Variants in NRXN3 observed in about 807,000 individuals in gnomAD.
The protein encoded by NRXN3 is neurexin III.
In NRXN3, 32 loss-of-function variants were observed where a neutral mutation model predicts 137.6. That is an observed-to-expected ratio of 0.23 (90% confidence interval 0.18 to 0.31). The LOEUF is 0.31. Ranked by LOEUF, NRXN3 falls within the 10% of genes least tolerant of loss-of-function variation. The pLI is 1.00. For missense variants in NRXN3, 1,574 were observed against 2,062.5 expected (o/e 0.76, Z 4.59); for synonymous variants, 798 against 784.5 (o/e 1.02, Z -0.29).
At chr14:78,676,399 G>C (rs1038078218) in intron 6 of NRXN3, among the ~76,000 whole-genome samples, 8 of 152,100 alleles carry the variant, frequency 5.3e-5, no homozygotes, top group African/African-American at 1.2e-4. Flanking sequence ...AAGTTTTACT[G>C]CTCTAGGTGG....
rs557447036 is a variant in NRXN3, at chr14:79,245,365, G to A, written c.3263-221856G>A. ...TCCAGAGAGACAGGGAGAGACCATGGGAAGAGAAAGGGAGAGACCATGGGA... is the reference window on the plus strand; with the variant it reads ...TCCAGAGAGACAGGGAGAGACCATGAGAAGAGAAAGGGAGAGACCATGGGA... On this transcript the variant is annotated intron_variant, in intron 15 of 20. Transcript: ENST00000335750. Among the ~76,000 whole-genome samples the A allele has an allele frequency of 5.9e-5, 9 of 151,906 alleles. No homozygotes were observed. The South Asian group carries it at 1.7e-3, about 28-fold the overall frequency.
chr14:79,712,058 G>A (rs750067428), intron 19 of NRXN3, among the ~76,000 whole-genome samples: 9 of 152,140 alleles, frequency 5.9e-5, no homozygotes, highest in Middle Eastern at 3.4e-3. Context: ...TTCTGAAAAC[G>A]CAGCTGAAGA....
chr14:78,297,080 T>C (rs1006718901), intron 3 of NRXN3, among the ~76,000 whole-genome samples: 2 of 152,236 alleles, frequency 1.3e-5, no homozygotes, highest in African/African-American at 2.4e-5. Context: ...ATCTATTTAT[T>C]GGGACTTTAC....
intron 4 of NRXN3, among the ~76,000 whole-genome samples, chr14:78,320,850 G>T (rs2079253910): frequency 6.6e-6 from 1 of 152,154 alleles, no homozygotes; most frequent in Admixed American, 6.5e-5. Context: ...GGGTGCGGTG[G>T]CTCATGCCTG....
chr14:79,389,056 T>C (rs1342784657), intron 15 of NRXN3, among the ~76,000 whole-genome samples: 1 of 152,238 alleles, frequency 6.6e-6, no homozygotes, highest in East Asian at 1.9e-4. Context: ...CTTTATAAAT[T>C]ACCTAGTCTC....
intron 15 of NRXN3, among the ~76,000 whole-genome samples, chr14:78,992,434 A>G (rs2099520854): frequency 6.6e-6 from 1 of 152,210 alleles, no homozygotes; most frequent in Non-Finnish European, 1.5e-5. Context: ...AAGGTTCTTG[A>G]TAGGCATATT....
intron 15 of NRXN3, among the ~76,000 whole-genome samples, chr14:79,430,689 G>T (rs769088556): frequency 6.6e-6 from 1 of 152,180 alleles, no homozygotes; most frequent in Non-Finnish European, 1.5e-5. Context: ...ACTGCAATAG[G>T]AAGGTGATCC....
intron 10 of NRXN3, among the ~76,000 whole-genome samples, chr14:78,818,094 A>G (rs1460298219): frequency 6.6e-6 from 1 of 151,858 alleles, no homozygotes; most frequent in Non-Finnish European, 1.5e-5. Flanking sequence ...ATAACTGTTT[A>G]TCAATCACAA....
chr14:79,335,454 CTATTA>C lies in NRXN3; in HGVS notation c.3263-131762_3263-131758del, dbSNP rs1207502225. Among the ~76,000 whole-genome samples the C allele has an allele frequency of 3.9e-5, 6 of 152,018 alleles. 1 individual carries two copies. The South Asian group carries it at 1.2e-3, about 32-fold the overall frequency. ...TTTATGCTTGTTGTATTTTTTCTCC[CTATTA>C]TATTTCTGCGTGTTCACACCCCTCT... is the stretch of plus-strand genomic sequence containing the variant. On this transcript the variant is annotated intron_variant, in intron 15 of 20. Coordinates refer to ENST00000335750, the MANE Select transcript of NRXN3 (RefSeq NM_001330195.2).
intron 4 of NRXN3, among the ~76,000 whole-genome samples, chr14:78,398,583 C>T (rs73316006): frequency 0.081 from 12,358 of 152,080 alleles, 850 homozygotes; most frequent in African/African-American, 0.19. Context: ...TCCATTGATA[C>T]CTCCCTATCT....
intron 10 of NRXN3, among the ~76,000 whole-genome samples, chr14:78,916,834 G>A (rs1397438518): frequency 2.0e-5 from 3 of 152,130 alleles, no homozygotes; most frequent in Non-Finnish European, 4.4e-5. Context: ...GGCTGAGTTG[G>A]TGCCTTTTGA....
At chr14:79,222,741 T>C (rs1383001475) in intron 15 of NRXN3, among the ~76,000 whole-genome samples, 1 of 101,686 alleles carries the variant, frequency 9.8e-6, no homozygotes, top group East Asian at 3.0e-4. Context: ...TAATGGCATC[T>C]CATTGTTGTT....
At position 78,459,102 on chromosome 14, in the gene NRXN3, T is replaced by A. The variant is rs117937741; in HGVS notation, c.757+161242T>A. Among the ~76,000 whole-genome samples, 412 of 152,338 alleles carry A rather than the reference T, an allele frequency of 2.7e-3. 10 individuals carry two copies. In the South Asian group the frequency reaches 0.037, roughly 14 times the overall value. On this transcript the variant is annotated intron_variant, in intron 4 of 20. Coordinates refer to ENST00000335750, the MANE Select transcript of NRXN3 (RefSeq NM_001330195.2). ...GTTTATTCAGTGGGTAGATGTGGAC[T>A]TACATAGCTAACATACTGGGGTTTC...
intron 2 of NRXN3, among the ~76,000 whole-genome samples, chr14:78,271,489 A>C (rs74596109): frequency 8.4e-4 from 126 of 150,838 alleles, no homozygotes; most frequent in South Asian, 1.9e-3. Flanking sequence ...AAAAAAAAAA[A>C]AACAAAAGGG....
Position 78,386,844 on chromosome 14 carries a change from C to A in NRXN3, c.757+88984C>A, listed in dbSNP as rs573249060. Among the ~76,000 whole-genome samples the A allele has an allele frequency of 1.9e-3, 285 of 151,828 alleles. 1 individual carries two copies. Among genetic ancestry groups the A allele is most frequent in the Non-Finnish European group, 3.2e-3 (216 of 67,892 alleles). Reference sequence around the variant, plus strand: ...TGCCCAGGCTGGAGTGCAGCGGTGCCATCTTGGCTCACTGCAACCTCTGCC... The same window carrying A: ...TGCCCAGGCTGGAGTGCAGCGGTGCAATCTTGGCTCACTGCAACCTCTGCC... On this transcript the variant is annotated intron_variant, in intron 4 of 20. Coordinates refer to ENST00000335750, the MANE Select transcript of NRXN3 (RefSeq NM_001330195.2).
At chr14:78,538,145 A>G (rs563410379) in intron 4 of NRXN3, among the ~76,000 whole-genome samples, 1 of 152,266 alleles carries the variant, frequency 6.6e-6, no homozygotes, top group East Asian at 1.9e-4. Flanking sequence ...CAATTCTGTG[A>G]AGAAAGGGTC....
chr14:79,620,905 ACT>A (rs1329981370), intron 16 of NRXN3, among the ~76,000 whole-genome samples: 1 of 149,138 alleles, frequency 6.7e-6, no homozygotes, highest in African/African-American at 2.5e-5. Context: ...GAAGGGTAAC[ACT>A]CAGACTTTGG....
chr14:78,927,531 T>C (rs151117253), intron 10 of NRXN3, among the ~76,000 whole-genome samples: 25 of 152,280 alleles, frequency 1.6e-4, no homozygotes, highest in Non-Finnish European at 1.3e-4. Context: ...TCAGCAGATA[T>C]ATTACATGGT....
At chr14:78,519,259 G>T (rs1031567457) in intron 4 of NRXN3, among the ~76,000 whole-genome samples, 2 of 152,052 alleles carry the variant, frequency 1.3e-5, no homozygotes, top group Admixed American at 6.6e-5. Context: ...GGCAAACCGA[G>T]GTATCTCTCT....
Sources: allele counts gnomAD v4.1 joint callset (sites outside exome capture counted in the v4.1 genomes callset), GRCh38; gene constraint gnomAD v4.1.1; transcripts MANE v1.5; gene names NCBI Gene and HGNC (gene_info 2026-07-23, HGNC 2026-07-21).